RASSF3: variants seen among roughly 807,000 people sequenced by gnomAD.
RASSF3 encodes Ras association domain family member 3, also known as ras association domain-containing protein 3.
A neutral mutation model predicts 19.9 loss-of-function variants in RASSF3; 19 were observed. That is an observed-to-expected ratio of 0.96 (90% CI 0.67 to 1.40). The LOEUF (loss-of-function observed/expected upper bound fraction) is 1.40. Ranked by LOEUF, RASSF3 falls within the 40% of genes most tolerant of loss-of-function variation. RASSF3 has a pLI of 0.00. For synonymous variants in RASSF3, 110 were observed against 104.2 expected (o/e 1.06, Z -0.34); for missense variants, 306 against 289.8 (o/e 1.06, Z -0.41).
chr12:64,564,228 A>G (rs1285899811), intron 2 of RASSF3, among the ~76,000 whole-genome samples: 1 of 152,200 alleles, frequency 6.6e-6, no homozygotes, highest in African/African-American at 2.4e-5. Context: ...TTGACAATGG[A>G]GTCTGCATAA....
intron 1 of RASSF3, among the ~76,000 whole-genome samples, chr12:64,638,453 G>T (rs1035429046): frequency 1.3e-5 from 2 of 151,950 alleles, no homozygotes; most frequent in Non-Finnish European, 2.9e-5. Context: ...GGTGGCGGGC[G>T]CCTGTAGTCC....
At chr12:64,526,046 G>A (rs779649057) in intron 1 of RASSF3, among the ~76,000 whole-genome samples, 66 of 152,238 alleles carry the variant, frequency 4.3e-4, no homozygotes, top group South Asian at 1.2e-3. Flanking sequence ...TTCTCACTAT[G>A]AGACTGCAGG....
intron 1 of RASSF3, among the ~76,000 whole-genome samples, chr12:64,640,889 T>G (rs1716497): frequency 0.79 from 120,615 of 151,836 alleles, 48,305 homozygotes; most frequent in African/African-American, 0.87. Context: ...CAGTCCTCCC[T>G]CCTCGACCTC....
intron 1 of RASSF3, among the ~76,000 whole-genome samples, chr12:64,634,342 T>A (rs1405329094): frequency 4.0e-5 from 6 of 151,122 alleles, no homozygotes; most frequent in African/African-American, 1.5e-4. Flanking sequence ...GAAAAAAAAA[T>A]TCATTTTTTC....
chr12:64,538,102 C>T (rs371937994), intron 1 of RASSF3, among the ~76,000 whole-genome samples: 2 of 152,120 alleles, frequency 1.3e-5, no homozygotes, highest in African/African-American at 4.8e-5. Flanking sequence ...AATCCTCCCA[C>T]CTCAGCCTCC....
At chr12:64,548,410 G>A (rs1003645844) in intron 2 of RASSF3, among the ~76,000 whole-genome samples, 50 of 151,938 alleles carry the variant, frequency 3.3e-4, no homozygotes, top group African/African-American at 3.9e-4. Context: ...GGCTGGTCTC[G>A]AACTCCTGGG....
At chr12:64,681,284 A>G (rs1873116889) in intron 1 of RASSF3, among the ~76,000 whole-genome samples, 1 of 152,144 alleles carries the variant, frequency 6.6e-6, no homozygotes, top group South Asian at 2.1e-4. Flanking sequence ...CCTCACATGG[A>G]ACCCTTTTGC....
At chr12:64,636,884 A>AG (rs1425505910) in intron 1 of RASSF3, among the ~76,000 whole-genome samples, 1 of 151,450 alleles carries the variant, frequency 6.6e-6, no homozygotes, top group East Asian at 1.9e-4. Flanking sequence ...AAAAAAAAAA[A>AG]GTAAGTTACA....
intron 1 of RASSF3, among the ~76,000 whole-genome samples, chr12:64,673,924 C>G (rs1490797836): frequency 6.6e-6 from 1 of 151,854 alleles, no homozygotes; most frequent in Non-Finnish European, 1.5e-5. Flanking sequence ...AAATGAGTGG[C>G]TGTTTGACTG....
chr12:64,670,294 G>A (rs529925476), intron 1 of RASSF3, among the ~76,000 whole-genome samples: 2 of 151,826 alleles, frequency 1.3e-5, no homozygotes, highest in South Asian at 2.1e-4. Context: ...GTGCTGAATT[G>A]CATTGTGTTT....
At chr12:64,642,984 G>C (rs192841507) in intron 1 of RASSF3, among the ~76,000 whole-genome samples, 1 of 151,792 alleles carries the variant, frequency 6.6e-6, no homozygotes, top group Non-Finnish European at 1.5e-5. Context: ...TCGTGCCTCA[G>C]CCTCAGCTGG....
intron 1 of RASSF3, among the ~76,000 whole-genome samples, chr12:64,629,274 C>T (rs11175474): frequency 0.014 from 2,049 of 151,266 alleles, 22 homozygotes; most frequent in Non-Finnish European, 0.022. Flanking sequence ...GCTAATTTTT[C>T]GTATTTTTTT....
chr12:64,678,848 A>G (rs1244873), intron 1 of RASSF3, among the ~76,000 whole-genome samples: 43,311 of 152,010 alleles, frequency 0.28, 6,730 homozygotes, highest in Non-Finnish European at 0.36. Context: ...TCTTCATAAC[A>G]GTTGTGTAGA....
intron 2 of RASSF3, among the ~76,000 whole-genome samples, chr12:64,570,690 C>G (rs1869503283): frequency 6.6e-6 from 1 of 152,144 alleles, no homozygotes; most frequent in South Asian, 2.1e-4. Context: ...TGCGTTTCCC[C>G]CACCCCATCC....
At chr12:64,558,826 C>G (rs562716260) in intron 2 of RASSF3, among the ~76,000 whole-genome samples, 1 of 152,162 alleles carries the variant, frequency 6.6e-6, no homozygotes, top group African/African-American at 2.4e-5. Context: ...AGTGTGGGAA[C>G]GTTGAAGGGA....
intron 2 of RASSF3, among the ~76,000 whole-genome samples, chr12:64,585,601 CTTTTTTTTTTTTT>C (rs35374871): frequency 1.0e-5 from 1 of 96,296 alleles, no homozygotes; most frequent in East Asian, 2.4e-4. Flanking sequence ...TAGGCAAGTC[CTTTTTTTTTTTTT>C]TTTTTTTTGA....
Position 64,633,259 on chromosome 12 carries a change from G to C in RASSF3, c.111+22516G>C, listed in dbSNP as rs1005372744. 2.6e-5 allele frequency among the ~76,000 whole-genome samples: 4 copies of C among 152,292 alleles called. No homozygotes were observed. In the East Asian group the frequency reaches 7.7e-4, roughly 29 times the overall value. The stretch of plus-strand genomic sequence containing the variant: ...TTTTGACACCAGTGGATACTGATAC[G>C]GTTTGGATGTGTGTTGCCTTCAAAT... On this transcript the variant is annotated intron_variant, in intron 1 of 4. Transcript: ENST00000542104.
chr12:64,680,555 C>T (rs1873084770), intron 1 of RASSF3, among the ~76,000 whole-genome samples: 1 of 152,056 alleles, frequency 6.6e-6, no homozygotes, highest in African/African-American at 2.4e-5. Flanking sequence ...AGTACAGCAT[C>T]AGGGCCCTTG....
At chr12:64,693,619 A>G (rs1218819255) in intron 4 of RASSF3, among the ~76,000 whole-genome samples, 6 of 151,958 alleles carry the variant, frequency 3.9e-5, no homozygotes, top group Non-Finnish European at 5.9e-5. Context: ...TGGTGTCACT[A>G]TTTTGCCCAG....
Sources: gnomAD v4.1 joint callset for allele counts (sites outside exome capture counted in the v4.1 genomes callset) on GRCh38, gnomAD v4.1.1 for gene constraint, MANE v1.5 for transcripts, NCBI Gene and HGNC (gene_info 2026-07-23, HGNC 2026-07-21) for gene names.